The following CDH12 variants were observed in gnomAD, a reference collection of about 807,000 sequenced individuals.
CDH12 encodes cadherin-12.
In CDH12, 41 loss-of-function variants were observed where a neutral mutation model predicts 74.1. The observed-to-expected ratio is 0.55, with a 90% CI of 0.43 to 0.72. CDH12 has a LOEUF of 0.72. Ranked by LOEUF, CDH12 falls within the 30% of genes least tolerant of loss-of-function variation. The probability of loss-of-function intolerance (pLI) is 0.00; values close to 1 mark genes in which losing one functional copy is unlikely to be tolerated. For missense variants in CDH12, 945 were observed against 977.2 expected, an observed-to-expected ratio of 0.97 and a Z score of 0.44; for synonymous variants, 399 against 355.0, an observed-to-expected ratio of 1.12 and a Z score of -1.39.
At chr5:22,476,780 T>C (rs1746187883) in intron 2 of CDH12, among the ~76,000 whole-genome samples, 1 of 152,202 alleles carries the variant, frequency 6.6e-6, no homozygotes, top group African/African-American at 2.4e-5. Context: ...ATATTCACTA[T>C]ATAGGGTGAA....
At chr5:22,065,498 T>C (rs1741494664) in intron 5 of CDH12, among the ~76,000 whole-genome samples, 1 of 152,090 alleles carries the variant, frequency 6.6e-6, no homozygotes, top group African/African-American at 2.4e-5. Context: ...CCACAGTAAA[T>C]GAATGTGAAA....
intron 4 of CDH12, among the ~76,000 whole-genome samples, chr5:22,091,371 A>T (rs1743425922): frequency 6.6e-6 from 1 of 150,952 alleles, no homozygotes; most frequent in South Asian, 2.1e-4. Context: ...ACAAAACTCA[A>T]CTGTATTTCT....
chr5:22,090,774 C>A (rs1743369890), intron 4 of CDH12, among the ~76,000 whole-genome samples: 1 of 151,708 alleles, frequency 6.6e-6, no homozygotes, highest in Non-Finnish European at 1.5e-5. Context: ...GGTTTAATGT[C>A]CAATAAATAT....
chr5:22,510,328 G>A, intron 1 of CDH12, among the ~76,000 whole-genome samples: 1 of 151,826 alleles, frequency 6.6e-6, no homozygotes, highest in Non-Finnish European at 1.5e-5. Flanking sequence ...AGACTTTGTT[G>A]GAAACATAAA....
chr5:22,472,851 T>C (rs1263980563), intron 2 of CDH12, among the ~76,000 whole-genome samples: 2 of 152,126 alleles, frequency 1.3e-5, no homozygotes, highest in Non-Finnish European at 2.9e-5. Flanking sequence ...TGTAAAATAT[T>C]CTTTATTCAG....
At chr5:22,636,520 T>C (rs948363629) in intron 1 of CDH12, among the ~76,000 whole-genome samples, 1 of 152,204 alleles carries the variant, frequency 6.6e-6, no homozygotes, top group African/African-American at 2.4e-5. Flanking sequence ...TGCCTCAGTA[T>C]AGATGTACAA....
At chr5:21,907,770 T>C (rs1231161980) in intron 6 of CDH12, among the ~76,000 whole-genome samples, 6 of 152,228 alleles carry the variant, frequency 3.9e-5, no homozygotes, top group Non-Finnish European at 5.9e-5. Flanking sequence ...CAGAATCCAG[T>C]GTCTCTCCCT....
chr5:22,630,222 A>G (rs1341616298), intron 1 of CDH12, among the ~76,000 whole-genome samples: 1 of 152,140 alleles, frequency 6.6e-6, no homozygotes, highest in Non-Finnish European at 1.5e-5. Flanking sequence ...CTATGAAACT[A>G]CCAACATCAT....
Position 22,202,661 on chromosome 5 carries a change from G to A in CDH12, c.-187+9837C>T, listed in dbSNP as rs558350964. Among the ~76,000 whole-genome samples the A allele has an allele frequency of 4.6e-5, 7 of 152,208 alleles. No individual in the cohort carries two copies. In the South Asian group the frequency reaches 6.2e-4, roughly 14 times the overall value. The stretch of plus-strand genomic sequence containing the variant: ...TGGGAGGATGTGAACACTTGTCCAC[G>A]TCAGTACTAGCAGATATGGCCATCC... On this transcript the variant is annotated intron_variant, in intron 4 of 14. Coordinates refer to ENST00000382254, the MANE Select transcript of CDH12 (RefSeq NM_004061.5).
intron 4 of CDH12, among the ~76,000 whole-genome samples, chr5:22,187,365 C>T (rs1750017779): frequency 6.6e-6 from 1 of 152,180 alleles, no homozygotes; most frequent in South Asian, 2.1e-4. Context: ...CATTCTAAAC[C>T]ATGCCTTTGT....
intron 6 of CDH12, chr5:21,882,958 T>C: frequency 1.2e-6 from 2 of 1,600,086 alleles, no homozygotes; most frequent in Middle Eastern, 2.2e-4. Context: ...GCAGGCTCTA[T>C]AGCCAAGGAA....
At chr5:22,730,840 C>T (rs557985242) in intron 1 of CDH12, among the ~76,000 whole-genome samples, 27 of 151,660 alleles carry the variant, frequency 1.8e-4, no homozygotes, top group African/African-American at 6.5e-4. Context: ...AAATGATTCC[C>T]TGTAAGAAAA....
chr5:22,752,299 T>C (rs1745619913), intron 1 of CDH12, among the ~76,000 whole-genome samples: 1 of 151,998 alleles, frequency 6.6e-6, no homozygotes, highest in South Asian at 2.1e-4. Context: ...TTAATGTACA[T>C]GTATTATATT....
At chr5:22,133,016 A>G (rs1746261781) in intron 4 of CDH12, among the ~76,000 whole-genome samples, 1 of 152,184 alleles carries the variant, frequency 6.6e-6, no homozygotes, top group Non-Finnish European at 1.5e-5. Context: ...AGAAACTGAT[A>G]CAACTCTGAA....
At chr5:22,335,226 G>C (rs1739521931) in intron 3 of CDH12, among the ~76,000 whole-genome samples, 1 of 152,152 alleles carries the variant, frequency 6.6e-6, no homozygotes, top group African/African-American at 2.4e-5. Context: ...TCATCTTGTA[G>C]CTCCCATAAT....
chr5:22,773,819 A>G (rs1746941764), intron 1 of CDH12, among the ~76,000 whole-genome samples: 2 of 152,096 alleles, frequency 1.3e-5, no homozygotes, highest in Non-Finnish European at 2.9e-5. Flanking sequence ...TAACCCTATT[A>G]AAAATGAGAA....
intron 1 of CDH12, among the ~76,000 whole-genome samples, chr5:22,802,190 A>G (rs1388484883): frequency 1.4e-5 from 2 of 142,490 alleles, no homozygotes; most frequent in African/African-American, 5.3e-5. Context: ...GGCACGATCC[A>G]GGCTCACTGC....
chr5:21,906,030 G>A (rs1359610353), intron 6 of CDH12, among the ~76,000 whole-genome samples: 1 of 151,976 alleles, frequency 6.6e-6, no homozygotes, highest in Non-Finnish European at 1.5e-5. Context: ...AGAAATAACA[G>A]ATTAAAATAA....
chr5:21,774,611 G>A (rs1453553613), intron 11 of CDH12: 6 of 151,988 alleles, frequency 3.9e-5, no homozygotes, highest in Admixed American at 3.9e-4. Context: ...TAAAATATTG[G>A]CAATTCTAGT....
Sources: allele counts gnomAD v4.1 joint callset (sites outside exome capture counted in the v4.1 genomes callset), GRCh38; gene constraint gnomAD v4.1.1; transcripts MANE v1.5; gene names NCBI Gene and HGNC (gene_info 2026-07-23, HGNC 2026-07-21).